The following SH2D3C variants were observed in gnomAD, a reference collection of about 807,000 sequenced individuals.
The protein encoded by SH2D3C is SH2 domain containing 3C, also known as SH2 domain-containing protein 3C.
In SH2D3C, 25 loss-of-function variants were observed where a neutral mutation model predicts 75.2. The observed-to-expected ratio is 0.33, with a 90% CI of 0.24 to 0.46. The LOEUF (loss-of-function observed/expected upper bound fraction) is 0.46, where lower values mean the gene tolerates loss of function less well. SH2D3C is among the 20% of genes least tolerant of loss of function. The pLI is 1.00. For synonymous variants in SH2D3C, 450 were observed against 473.7 expected (o/e 0.95, Z 0.65); for missense variants, 933 against 1,165.3 (o/e 0.80, Z 2.90).
intron 6 of SH2D3C, among the ~76,000 whole-genome samples, chr9:127,745,324 AC>A (rs898818705): frequency 4.9e-4 from 75 of 151,906 alleles, no homozygotes; most frequent in African/African-American, 1.7e-3. Context: ...GCATGGCCCC[AC>A]CCTGAGGCTG....
intron 3 of SH2D3C, among the ~76,000 whole-genome samples, chr9:127,752,063 G>A (rs1845218030): frequency 6.6e-6 from 1 of 152,168 alleles, no homozygotes; most frequent in Admixed American, 6.5e-5. Flanking sequence ...AGGCCACTGA[G>A]GGAGATAATG....
At chr9:127,757,500 G>A (rs534175421) in intron 3 of SH2D3C, among the ~76,000 whole-genome samples, 3 of 150,166 alleles carry the variant, frequency 2.0e-5, no homozygotes, top group South Asian at 2.1e-4. Context: ...GCTCAATATC[G>A]GCTCACTGCA....
At chr9:127,752,940 G>C (rs1486789079) in intron 3 of SH2D3C, among the ~76,000 whole-genome samples, 2 of 152,128 alleles carry the variant, frequency 1.3e-5, no homozygotes. Flanking sequence ...TGAAGGACTG[G>C]GTGAGCCAAG....
chr9:127,774,224 G>A lies in SH2D3C; in HGVS notation c.281C>T (p.Ala94Val). 6.2e-7 allele frequency: 1 copy of A among 1,613,962 alleles called. No individual in the cohort carries two copies. Among genetic ancestry groups the A allele is most frequent in the Non-Finnish European group, 8.5e-7 (1 of 1,179,930 alleles). The part of the protein sequence containing the change: ...SIKKAQNSQA[A>V]RQAQEAGPKP... ...GGGACCCGCCTCCTGGGCCTGCCGG[G>A]CAGCCTGTGAGTTCTGTGCTTTCTT... Residue 94 changes from alanine to valine, a missense_variant, in exon 2 of 12, where the codon GCC becomes GTC. Transcript: ENST00000314830. This position sits in a 1 kb window ranked among gnomAD's most constrained non-coding sequence, Gnocchi z 4.3.
intron 2 of SH2D3C, among the ~76,000 whole-genome samples, chr9:127,768,227 G>A (rs1370419668): frequency 6.6e-6 from 1 of 152,178 alleles, no homozygotes; most frequent in Non-Finnish European, 1.5e-5. Flanking sequence ...ACCCTGCAGG[G>A]CCGAGAGGGT....
Position 127,739,681 on chromosome 9 carries a change from C to T in SH2D3C, c.2407+1G>A. On this transcript the variant is annotated splice_donor_variant, in intron 11 of 11. Transcript: ENST00000314830. LOFTEE classifies it high-confidence loss of function. This position sits in a 1 kb window ranked among gnomAD's most constrained non-coding sequence, Gnocchi z 4.3. ...CCCCCAAGATGCCACCCGCCACTCACCCTGCAGCTTGACTTCAGCATTGGT... is the reference window on the plus strand; with the variant it reads ...CCCCCAAGATGCCACCCGCCACTCATCCTGCAGCTTGACTTCAGCATTGGT... The T allele has an allele frequency of 6.3e-7, 1 of 1,599,612 alleles. No individual in the cohort carries two copies. The highest frequency in any genetic ancestry group is 8.5e-7 in the Non-Finnish European group (1 of 1,170,806).
Position 127,741,898 on chromosome 9 carries a change from C to T in SH2D3C, c.1978G>A (p.Glu660Lys). 1 of 1,613,142 alleles carries T rather than the reference C, an allele frequency of 6.2e-7. No homozygotes were observed. The highest frequency in any genetic ancestry group is 1.3e-5 in the African/African-American group (1 of 75,070). The change falls in exon 9 of 12, where the codon GAG (glutamate) becomes AAG (lysine). Residue 660 changes from glutamate (E) to lysine (K), a missense_variant. Physicochemically the swap from Glu to Lys is moderately conservative, Grantham distance 56 (BLOSUM62 1). Coordinates refer to ENST00000314830, the MANE Select transcript of SH2D3C (RefSeq NM_170600.3). The stretch of plus-strand genomic sequence containing the variant: ...GTCTTGTGCAGCAGCGCTGCCCGCT[C>T]CTCCGCAGAGCCGGTGCAGCCCAGG... ...DILGCTGSAEERAALLHKTIQ... is the reference protein window; with the variant it reads ...DILGCTGSAEKRAALLHKTIQ...
intron 3 of SH2D3C, chr9:127,755,169 A>G: frequency 8.2e-7 from 1 of 1,215,032 alleles, no homozygotes; most frequent in Non-Finnish European, 1.0e-6. Flanking sequence ...TGGTGGGGCC[A>G]GGCTGCCGGG....
In SH2D3C at chr9:127,744,895, G is replaced by A. The variant is rs771116868; in HGVS notation, c.1469C>T (p.Pro490Leu). ...PSPSLSSYSD[P>L]DSGHYCQLQP... ...GAGCTGGCAGTAGTGGCCAGAGTCC[G>A]GGTCACTGTAGCTGCTGAGTGATGG... Residue 490 changes from proline to leucine, a missense_variant, in exon 7 of 12, where the codon CCG (proline) becomes CTG (leucine). Physicochemically the swap from Pro to Leu is moderately conservative, Grantham distance 98 (BLOSUM62 -3). Transcript: ENST00000314830. 1.6e-5 allele frequency: 25 copies of A among 1,612,154 alleles called. No individual in the cohort carries two copies. The African/African-American group carries it at 1.6e-4, about 10-fold the overall frequency.
At chr9:127,773,291 CA>C (rs1564426274) in intron 2 of SH2D3C, among the ~76,000 whole-genome samples, 1 of 152,090 alleles carries the variant, frequency 6.6e-6, no homozygotes, top group Non-Finnish European at 1.5e-5. Context: ...AGGTATTGTC[CA>C]GCAGAACTAA....
chr9:127,774,431 T>C lies in SH2D3C; in HGVS notation c.74A>G (p.Asn25Ser), dbSNP rs199653045. ...FKFKGFGSLS[N>S]LPRSFTLRRS... ...TCTCAGAGTGAAGGACCGAGGGAGGTTGGAGAGACTCCCAAAGCCCTTGAA... is the reference window on the plus strand; with the variant it reads ...TCTCAGAGTGAAGGACCGAGGGAGGCTGGAGAGACTCCCAAAGCCCTTGAA... Residue 25 changes from asparagine to serine, a missense_variant, in exon 2 of 12, where the codon AAC (asparagine) becomes AGC (serine). Asn to Ser is a conservative substitution (Grantham distance 46). Transcript: ENST00000314830. This position sits in a 1 kb window ranked among gnomAD's most constrained non-coding sequence, Gnocchi z 4.3. 186 of 1,608,648 alleles carry C rather than the reference T, an allele frequency of 1.2e-4. No homozygotes were observed. Among genetic ancestry groups the C allele is most frequent in the South Asian group, 1.3e-4 (12 of 90,972 alleles).
In SH2D3C at chr9:127,742,699, A is replaced by T; in HGVS notation, c.1916+150T>A. 4 of 586,384 alleles carry T rather than the reference A, an allele frequency of 6.8e-6. No individual in the cohort carries two copies. The South Asian group carries it at 8.3e-5, about 12-fold the overall frequency. The allele number at this position is 586,384 out of a possible 1,614,324, so 36.3% of individuals were successfully genotyped here. On this transcript the variant is annotated intron_variant, in intron 8 of 11. Transcript: ENST00000314830. ...ATCAGCCTGTTTAGAGCGGGTTATC[A>T]GGGCTTGCGATTGGTCAATGGGATG...
At position 127,744,763 on chromosome 9, in the gene SH2D3C, G is replaced by T; in HGVS notation, c.1601C>A (p.Pro534His). 1 of 1,614,218 alleles carries T rather than the reference G, an allele frequency of 6.2e-7. No homozygotes were observed. The highest frequency in any genetic ancestry group is 8.5e-7 in the Non-Finnish European group (1 of 1,180,038). Residue 534 changes from proline (P) to histidine (H), a missense_variant, in exon 7 of 12, where the codon CCT (proline) becomes CAT (histidine). By Grantham distance (77) the Pro-to-His change is moderately conservative. Transcript: ENST00000314830. ...GAAGGTCTTGCCCCAGTCCCCTTCA[G>T]GGGCCCCATTTTCTGACAGTTCCTT... is the stretch of plus-strand genomic sequence containing the variant. ...RLKELSENGA[P>H]EGDWGKTFTV...
chr9:127,771,255 A>G (rs2131808398), intron 2 of SH2D3C: 1 of 1,541,066 alleles, frequency 6.5e-7, no homozygotes, highest in East Asian at 2.5e-5. Context: ...GCCGCCGGCA[A>G]CCCGGGGACC....
intron 2 of SH2D3C, chr9:127,771,166 G>A (rs371605364): frequency 5.2e-6 from 8 of 1,534,258 alleles, no homozygotes; most frequent in Non-Finnish European, 7.0e-6. Flanking sequence ...GCCCTCCCCA[G>A]GCCCAGCTCG....
At position 127,773,977 on chromosome 9, in the gene SH2D3C, C is replaced by G. The variant is rs769010113; in HGVS notation, c.515+13G>C. ...CCATCCCTGCAGGTCCCAACCAGCC[C>G]CTGGGCACCTACCTTTCTGAGTGCA... On this transcript the variant is annotated intron_variant, in intron 2 of 11. Transcript: ENST00000314830. 25 of 1,545,112 alleles carry G rather than the reference C, an allele frequency of 1.6e-5. No individual in the cohort carries two copies. The highest frequency in any genetic ancestry group is 2.2e-5 in the Non-Finnish European group (25 of 1,121,818).
chr9:127,776,216 A>G (rs887758413), intron 1 of SH2D3C, among the ~76,000 whole-genome samples: 6 of 152,222 alleles, frequency 3.9e-5, no homozygotes, highest in Non-Finnish European at 8.8e-5. Flanking sequence ...TCAGTGACAC[A>G]GTTTAATCCC....
In SH2D3C at chr9:127,742,812, G is replaced by T. The variant is rs772944188; in HGVS notation, c.1916+37C>A. On this transcript the variant is annotated intron_variant, in intron 8 of 11. Coordinates refer to ENST00000314830, the MANE Select transcript of SH2D3C (RefSeq NM_170600.3). ...CCAGCGGGGAGTGCGGTAGCCGGGG[G>T]TTCCCCGCGAGTCCCCGGGTGCCGG... The T allele has an allele frequency of 2.0e-6, 3 of 1,521,928 alleles. No individual in the cohort carries two copies. The South Asian group carries it at 3.5e-5, about 18-fold the overall frequency. 94.3% of individuals were successfully genotyped at this position (1,521,928 alleles called of 1,614,324 possible). A position where few individuals can be genotyped will look rare whatever the true frequency, so the allele number is the denominator to read the frequency against.
chr9:127,772,140 G>T (rs1413273421), intron 2 of SH2D3C, among the ~76,000 whole-genome samples: 1 of 151,756 alleles, frequency 6.6e-6, no homozygotes, highest in Non-Finnish European at 1.5e-5. Flanking sequence ...GGCTGTGCTT[G>T]GTGTCTCAGG....
Sources: allele counts gnomAD v4.1 joint callset (sites outside exome capture counted in the v4.1 genomes callset), GRCh38; gene constraint gnomAD v4.1.1; non-coding constraint Gnocchi (gnomAD v3.1); transcripts MANE v1.5; gene names NCBI Gene and HGNC (gene_info 2026-07-23, HGNC 2026-07-21).